CTNNA3: variants seen among roughly 807,000 people sequenced by gnomAD.
The protein encoded by CTNNA3 is catenin alpha-3.
CTNNA3 carries 76 observed loss-of-function variants against 95.7 expected under a neutral mutation model. The ratio of observed to expected loss-of-function variants is 0.79; its 90% CI spans 0.66 to 0.96. CTNNA3 has a LOEUF of 0.96. Among genes scored for constraint, CTNNA3 ranks in the 40% least tolerant of loss-of-function variants. The pLI, the probability that CTNNA3 is intolerant of heterozygous loss-of-function variation, is 0.00. For missense variants in CTNNA3, 1,191 were observed against 1,089.8 expected (o/e 1.09, Z -1.31); for synonymous variants, 431 against 374.4 (o/e 1.15, Z -1.74).
At chr10:66,315,605 T>C (rs2092090588) in intron 12 of CTNNA3, among the ~76,000 whole-genome samples, 1 of 152,024 alleles carries the variant, frequency 6.6e-6, no homozygotes, top group African/African-American at 2.4e-5. Context: ...ATTTCTGGTA[T>C]TTCAGATTTA....
At chr10:66,763,690 C>T (rs1839717363) in intron 9 of CTNNA3, among the ~76,000 whole-genome samples, 1 of 152,126 alleles carries the variant, frequency 6.6e-6, no homozygotes, top group Non-Finnish European at 1.5e-5. Context: ...CAATAGAATA[C>T]AAATGACAAC....
chr10:66,568,871 C>T lies in CTNNA3; in HGVS notation c.1375-48098G>A, dbSNP rs906636761. Among the ~76,000 whole-genome samples the T allele has an allele frequency of 4.6e-5, 7 of 151,872 alleles. 1 individual carries two copies. Among genetic ancestry groups the T allele is most frequent in the South Asian group, 4.2e-4 (2 of 4,810 alleles). ...TGACAAAGGAAACCAACCTGGGAAGCGAAGTCTGCCAGGGCTGGCAGCAGA... is the reference window on the plus strand; with the variant it reads ...TGACAAAGGAAACCAACCTGGGAAGTGAAGTCTGCCAGGGCTGGCAGCAGA... On this transcript the variant is annotated intron_variant, in intron 10 of 17. Transcript: ENST00000433211.
chr10:66,972,867 C>T (rs867040891), intron 7 of CTNNA3, among the ~76,000 whole-genome samples: 2 of 151,600 alleles, frequency 1.3e-5, no homozygotes, highest in South Asian at 2.1e-4. Flanking sequence ...CCTGCCACCA[C>T]GCCTGGCTAA....
At chr10:66,812,767 A>ACC (rs1841932024) in intron 7 of CTNNA3, among the ~76,000 whole-genome samples, 1 of 152,108 alleles carries the variant, frequency 6.6e-6, no homozygotes, top group Admixed American at 6.6e-5. Context: ...CATCACTAAC[A>ACC]ATGGTTTGCA....
intron 10 of CTNNA3, among the ~76,000 whole-genome samples, chr10:66,599,582 T>C (rs1056212300): frequency 2.6e-5 from 4 of 151,978 alleles, no homozygotes; most frequent in African/African-American, 7.2e-5. Flanking sequence ...AGTAACACCA[T>C]ATAAGCCTCT....
chr10:67,062,973 GT>G (rs199866471), intron 7 of CTNNA3, among the ~76,000 whole-genome samples: 1 of 150,052 alleles, frequency 6.7e-6, no homozygotes, highest in African/African-American at 2.5e-5. Context: ...TAATCGTTTT[GT>G]TTTTTTTTCT....
intron 9 of CTNNA3, among the ~76,000 whole-genome samples, chr10:66,677,795 T>C (rs570178400): frequency 3.9e-5 from 6 of 152,242 alleles, no homozygotes. Context: ...ACCCGGTCTC[T>C]GGTATGTCTT....
intron 12 of CTNNA3, among the ~76,000 whole-genome samples, chr10:66,288,517 GTTT>G (rs1455908711): frequency 6.6e-6 from 1 of 152,022 alleles, no homozygotes. Flanking sequence ...AAGTTGTGTT[GTTT>G]AATACAGTGG....
chr10:67,473,078 T>C, intron 5 of CTNNA3, among the ~76,000 whole-genome samples: 1 of 152,232 alleles, frequency 6.6e-6, no homozygotes, highest in East Asian at 1.9e-4. Context: ...TGTTGTAACC[T>C]TGTAAAACAG....
At chr10:66,320,219 C>G (rs759219234) in intron 12 of CTNNA3, among the ~76,000 whole-genome samples, 12 of 152,052 alleles carry the variant, frequency 7.9e-5, no homozygotes, top group Admixed American at 7.9e-4. Flanking sequence ...TATTCTCCTG[C>G]TGGCTTTAGG....
chr10:67,103,644 T>C (rs1167530313), intron 7 of CTNNA3, among the ~76,000 whole-genome samples: 1 of 151,714 alleles, frequency 6.6e-6, no homozygotes, highest in Non-Finnish European at 1.5e-5. Context: ...GATTCAAATC[T>C]AGATTTGTTA....
intron 7 of CTNNA3, among the ~76,000 whole-genome samples, chr10:67,158,001 T>C (rs559541702): frequency 3.3e-5 from 5 of 152,248 alleles, no homozygotes; most frequent in African/African-American, 7.2e-5. Context: ...ATCCTTTCAG[T>C]AAATTTCCAA....
At chr10:67,755,193 T>TAAA (rs200024475) in intron 1 of CTNNA3, among the ~76,000 whole-genome samples, 1 of 137,104 alleles carries the variant, frequency 7.3e-6, no homozygotes. Context: ...ACCTTATCTT[T>TAAA]AAAAAAAAAA....
At chr10:66,496,721 T>C (rs1391850957) in intron 11 of CTNNA3, among the ~76,000 whole-genome samples, 1 of 152,204 alleles carries the variant, frequency 6.6e-6, no homozygotes, top group Non-Finnish European at 1.5e-5. Flanking sequence ...AGGAAATCAA[T>C]TTAACGACCT....
chr10:66,457,590 C>T (rs975002929), intron 11 of CTNNA3, among the ~76,000 whole-genome samples: 5 of 150,162 alleles, frequency 3.3e-5, no homozygotes, highest in African/African-American at 1.3e-4. Context: ...TGCTGAAAAA[C>T]GAAAACAAGC....
At chr10:67,410,633 A>C (rs1845330198) in intron 5 of CTNNA3, among the ~76,000 whole-genome samples, 1 of 137,382 alleles carries the variant, frequency 7.3e-6, no homozygotes, top group Non-Finnish European at 1.5e-5. Flanking sequence ...CCCCCACCCA[A>C]AAAAAAAAAA....
intron 7 of CTNNA3, among the ~76,000 whole-genome samples, chr10:66,904,441 C>T (rs1674833662): frequency 6.6e-6 from 1 of 152,156 alleles, no homozygotes; most frequent in Non-Finnish European, 1.5e-5. Flanking sequence ...CAATACCATT[C>T]AGGACATAGG....
chr10:67,166,206 T>C (rs1328133170), intron 7 of CTNNA3, among the ~76,000 whole-genome samples: 1 of 152,238 alleles, frequency 6.6e-6, no homozygotes, highest in Non-Finnish European at 1.5e-5. Flanking sequence ...CAGGTGATCA[T>C]AACGCACATT....
chr10:67,555,563 A>G (rs1450903484), intron 3 of CTNNA3, among the ~76,000 whole-genome samples: 1 of 152,072 alleles, frequency 6.6e-6, no homozygotes, highest in Non-Finnish European at 1.5e-5. Context: ...TTTGTCTGTT[A>G]TTGGTATATA....
Sources: gnomAD v4.1 joint callset for allele counts (sites outside exome capture counted in the v4.1 genomes callset) on GRCh38, gnomAD v4.1.1 for gene constraint, MANE v1.5 for transcripts, NCBI Gene and HGNC (gene_info 2026-07-23, HGNC 2026-07-21) for gene names.